EPHB1: variants seen among roughly 807,000 people sequenced by gnomAD.
The protein encoded by EPHB1 is EPH receptor B1.
EPHB1 carries 30 observed loss-of-function variants against 94.4 expected under a neutral mutation model. The observed-to-expected ratio is 0.32, with a 90% confidence interval of 0.24 to 0.43. EPHB1 has a LOEUF of 0.43. Among genes scored for constraint, EPHB1 ranks in the 20% least tolerant of loss-of-function variants. The pLI is 1.00. For synonymous variants in EPHB1, 522 were observed against 489.1 expected (o/e 1.07, Z -0.89); for missense variants, 1,055 against 1,308.3 (o/e 0.81, Z 2.99).
chr3:135,193,819 C>A (rs1942525216), intron 11 of EPHB1, among the ~76,000 whole-genome samples: 1 of 152,230 alleles, frequency 6.6e-6, no homozygotes, highest in Non-Finnish European at 1.5e-5. Context: ...TGCTACGTAA[C>A]AAATCATCCC....
intron 3 of EPHB1, among the ~76,000 whole-genome samples, chr3:135,014,985 T>G (rs1391137901): frequency 6.6e-6 from 1 of 152,166 alleles, no homozygotes; most frequent in African/African-American, 2.4e-5. Flanking sequence ...CCCCCTGTCT[T>G]TAGGAACAAA....
chr3:134,917,876 C>A (rs2038605671), intron 1 of EPHB1, among the ~76,000 whole-genome samples: 1 of 152,154 alleles, frequency 6.6e-6, no homozygotes, highest in Non-Finnish European at 1.5e-5. Context: ...AATGAGTGTT[C>A]TTAAGAAAAC....
At chr3:134,932,991 A>G (rs1275963904) in intron 2 of EPHB1, among the ~76,000 whole-genome samples, 4 of 152,174 alleles carry the variant, frequency 2.6e-5, no homozygotes, top group Admixed American at 2.6e-4. Flanking sequence ...TTCTCATTCT[A>G]TGCTTTAGTA....
intron 3 of EPHB1, among the ~76,000 whole-genome samples, chr3:134,957,212 T>C (rs1403536860): frequency 6.6e-6 from 1 of 152,124 alleles, no homozygotes; most frequent in Non-Finnish European, 1.5e-5. Flanking sequence ...AGTTGCCTCC[T>C]TCTGAGATGG....
chr3:135,037,817 C>A (rs936565374), intron 3 of EPHB1, among the ~76,000 whole-genome samples: 6 of 152,152 alleles, frequency 3.9e-5, no homozygotes, highest in Non-Finnish European at 4.4e-5. Context: ...AATCTATGTT[C>A]TTTGAGTGGT....
chr3:135,197,031 G>C (rs1179833370), intron 11 of EPHB1, among the ~76,000 whole-genome samples: 3 of 151,610 alleles, frequency 2.0e-5, no homozygotes, highest in Non-Finnish European at 4.4e-5. Flanking sequence ...AAAGAGGCTG[G>C]AGGATAGCTT....
At chr3:135,211,985 A>G (rs1178979890) in intron 12 of EPHB1, among the ~76,000 whole-genome samples, 1 of 152,106 alleles carries the variant, frequency 6.6e-6, no homozygotes, top group Admixed American at 6.5e-5. Flanking sequence ...AGTTTTGAAA[A>G]TGTTCCACAG....
At chr3:135,252,157 A>T (rs1933135457) in intron 15 of EPHB1, among the ~76,000 whole-genome samples, 2 of 149,674 alleles carry the variant, frequency 1.3e-5, no homozygotes, top group Non-Finnish European at 3.0e-5. Context: ...TTACTGTTAA[A>T]TTTTTTTTTC....
chr3:135,202,788 T>A (rs1000539302), intron 12 of EPHB1, among the ~76,000 whole-genome samples: 4 of 152,244 alleles, frequency 2.6e-5, no homozygotes, highest in African/African-American at 9.6e-5. Flanking sequence ...GTAAATTAGT[T>A]CAACCATTGT....
intron 12 of EPHB1, among the ~76,000 whole-genome samples, chr3:135,217,151 C>T (rs1388997759): frequency 6.6e-6 from 1 of 152,116 alleles, no homozygotes; most frequent in Admixed American, 6.5e-5. Flanking sequence ...GTGGGTGCCA[C>T]AAACAGCCCG....
At chr3:134,802,696 G>A (rs998263234) in intron 1 of EPHB1, among the ~76,000 whole-genome samples, 3 of 152,206 alleles carry the variant, frequency 2.0e-5, no homozygotes, top group Non-Finnish European at 4.4e-5. Flanking sequence ...TTATCTGCCA[G>A]ATGCCTCTCA....
chr3:134,881,428 G>A (rs1251400534), intron 1 of EPHB1, among the ~76,000 whole-genome samples: 2 of 152,164 alleles, frequency 1.3e-5, no homozygotes, highest in Non-Finnish European at 2.9e-5. Flanking sequence ...ACCCCAGGCT[G>A]ACTTGAGCGA....
chr3:135,053,023 G>GTA (rs1419499793), intron 3 of EPHB1, among the ~76,000 whole-genome samples: 1,464 of 68,494 alleles, frequency 0.021, 58 homozygotes, highest in Admixed American at 0.035. Context: ...ATGTGTGTGT[G>GTA]TGTGTATATA....
intron 12 of EPHB1, among the ~76,000 whole-genome samples, chr3:135,228,478 A>T (rs147148777): frequency 3.3e-5 from 5 of 152,126 alleles, no homozygotes; most frequent in Non-Finnish European, 7.4e-5. Flanking sequence ...ATATTCTTGC[A>T]TAGCTTACGA....
chr3:134,996,614 A>G (rs1935004108), intron 3 of EPHB1, among the ~76,000 whole-genome samples: 1 of 152,164 alleles, frequency 6.6e-6, no homozygotes, highest in East Asian at 1.9e-4. Context: ...TGAGCCCTTC[A>G]TATCCCAGCT....
chr3:135,212,507 G>A (rs1226773935), intron 12 of EPHB1, among the ~76,000 whole-genome samples: 10 of 152,116 alleles, frequency 6.6e-5, no homozygotes, highest in Admixed American at 6.6e-5. Context: ...TTTGCAGTGG[G>A]CAACAGCTCT....
chr3:135,143,404 G>A (rs1383518462), intron 5 of EPHB1, among the ~76,000 whole-genome samples: 2 of 152,244 alleles, frequency 1.3e-5, no homozygotes, highest in East Asian at 3.9e-4. Flanking sequence ...CAGCTCCCCT[G>A]CCCAGCGTTG....
intron 9 of EPHB1, among the ~76,000 whole-genome samples, chr3:135,176,151 C>T (rs1408979839): frequency 6.6e-6 from 1 of 152,122 alleles, no homozygotes. Flanking sequence ...GGAGCCCTTA[C>T]GTGCTTGGTT....
At position 135,170,652 on chromosome 3, in the gene EPHB1, G is replaced by A. The variant is rs761123285; in HGVS notation, c.1759+3646G>A. On this transcript the variant is annotated intron_variant, in intron 9 of 15. Coordinates refer to ENST00000398015, the MANE Select transcript of EPHB1 (RefSeq NM_004441.5). ...TTTAGGTGGTCCAGGTGGCCACCTC[G>A]ATGATCTAGGTGGGCAAGTATAAGT... Among the ~76,000 whole-genome samples the A allele has an allele frequency of 4.6e-5, 7 of 152,272 alleles. No homozygotes were observed. In the East Asian group the frequency reaches 9.7e-4, roughly 21 times the overall value.
Sources: allele counts gnomAD v4.1 joint callset (sites outside exome capture counted in the v4.1 genomes callset), GRCh38; gene constraint gnomAD v4.1.1; transcripts MANE v1.5; gene names NCBI Gene and HGNC (gene_info 2026-07-23, HGNC 2026-07-21).